The following CRYBG3 variants were observed in gnomAD, a reference collection of about 807,000 sequenced individuals.
CRYBG3 encodes crystallin beta-gamma domain containing 3.
A neutral mutation model predicts 244.2 loss-of-function variants in CRYBG3; 127 were observed. That is an observed-to-expected ratio of 0.52 (90% CI 0.45 to 0.60). The LOEUF (loss-of-function observed/expected upper bound fraction) is 0.60, where lower values mean the gene tolerates loss of function less well. Among genes scored for constraint, CRYBG3 ranks in the 20% least tolerant of loss-of-function variants. The pLI is 0.00. For synonymous variants in CRYBG3, 1,132 were observed against 1,195.8 expected (o/e 0.95, Z 1.10); for missense variants, 3,325 against 3,442.5 (o/e 0.97, Z 0.85).
chr3:97,898,349 G>GT (rs1378432586), intron 12 of CRYBG3, among the ~76,000 whole-genome samples: 1 of 151,888 alleles, frequency 6.6e-6, no homozygotes, highest in Non-Finnish European at 1.5e-5. Flanking sequence ...TCTTTTGCCG[G>GT]TTTATCTGTT....
In CRYBG3 at chr3:97,871,985, G is replaced by A. The variant is rs1305856191; in HGVS notation, c.791G>A (p.Ser264Asn). 1.5e-5 allele frequency: 23 copies of A among 1,535,858 alleles called. No homozygotes were observed. In the African/African-American group the frequency reaches 1.5e-4, roughly 10 times the overall value. Residue 264 changes from serine (S) to asparagine (N), a missense_variant, in exon 4 of 22, where the codon AGT (serine) becomes AAT (asparagine). Ser to Asn is a conservative substitution (Grantham distance 46, BLOSUM62 1). Transcript: ENST00000389622. ...LDRENESSDSSTNRHIDPGSE... is the reference protein window; with the variant it reads ...LDRENESSDSNTNRHIDPGSE... ...AGAGAAAATGAAAGTTCTGACTCTA[G>A]TACAAACAGACACATTGACCCTGGA...
At chr3:97,843,156 CTTT>C (rs2038846490) in intron 1 of CRYBG3, 36 bp from the exon 2 acceptor site, 2 of 1,356,924 alleles carry the variant, frequency 1.5e-6, no homozygotes, top group Non-Finnish European at 2.0e-6. Flanking sequence ...TCGTAATTTT[CTTT>C]TAATTTCAAA....
At chr3:97,925,703 G>C (rs2040033082) in intron 17 of CRYBG3, among the ~76,000 whole-genome samples, 1 of 151,946 alleles carries the variant, frequency 6.6e-6, no homozygotes, top group Admixed American at 6.6e-5. Flanking sequence ...TCACCTCTGG[G>C]GGTGGTGGGA....
rs2039381779 is a variant in CRYBG3, at chr3:97,876,924, G to A, written c.5730G>A (p.Glu1910=). The A allele has an allele frequency of 1.4e-6, 2 of 1,468,104 alleles. No homozygotes were observed. Among genetic ancestry groups the A allele is most frequent in the East Asian group, 2.4e-5 (1 of 42,306 alleles). The allele number at this position is 1,468,104 out of a possible 1,614,324, so 90.9% of individuals were successfully genotyped here. A position where few individuals can be genotyped will look rare whatever the true frequency, so the allele number is the denominator to read the frequency against. Residue 1910 remains glutamate, a synonymous_variant, in exon 4 of 22, where the codon GAG becomes GAA. Coordinates refer to ENST00000389622, the MANE Select transcript of CRYBG3 (RefSeq NM_153605.4). ...AEGSVEETKE[E]PTEIKEGLIA... ...GGAGTGTTGAAGAAACAAAGGAAGAGCCTACAGAAATAAAGGAAGGCTTGA... is the reference window on the plus strand; with the variant it reads ...GGAGTGTTGAAGAAACAAAGGAAGAACCTACAGAAATAAAGGAAGGCTTGA...
chr3:97,913,316 C>A (rs1236153763), intron 16 of CRYBG3, among the ~76,000 whole-genome samples: 2 of 152,150 alleles, frequency 1.3e-5, no homozygotes, highest in Non-Finnish European at 2.9e-5. Context: ...TCTCTTCTAA[C>A]ATTTGCTTTC....
rs1224990506 is a variant in CRYBG3, at chr3:97,874,088, G to T, written c.2894G>T (p.Cys965Phe). 24 of 1,535,786 alleles carry T rather than the reference G, an allele frequency of 1.6e-5. No individual in the cohort carries two copies. Among genetic ancestry groups the T allele is most frequent in the Non-Finnish European group, 2.0e-5 (23 of 1,146,794 alleles). ...GCGCAGAATTGTGAAGCTCACACTT[G>T]TGTGTTTCATCAATCTTTGGATATT... ...QMAQNCEAHT[C>F]VFHQSLDICG... Residue 965 changes from cysteine to phenylalanine, a missense_variant, in exon 4 of 22, where the codon TGT becomes TTT. By Grantham distance (205) the Cys-to-Phe change is radical. Transcript: ENST00000389622.
chr3:97,892,799 G>T, intron 10 of CRYBG3, 61 bp from the exon 11 acceptor site: 1 of 818,048 alleles, frequency 1.2e-6, no homozygotes, highest in Non-Finnish European at 1.8e-6. Context: ...TGTGGTCTTT[G>T]GTGTCACTTA....
intron 1 of CRYBG3, among the ~76,000 whole-genome samples, chr3:97,833,706 T>C (rs2038688814): frequency 6.6e-6 from 1 of 152,198 alleles, no homozygotes; most frequent in South Asian, 2.1e-4. Context: ...ATCCCAGAAC[T>C]TCAAAGTATA....
rs1410487592 is a variant in CRYBG3, at chr3:97,825,276, C to CCTTA, written c.149+2924_149+2925insACTT. ...AATATGAAACTTGGAGGAATTCCTG[C>CCTTA]CTTTATCTGCTTCAAGAAATGATTG... On this transcript the variant is annotated intron_variant, in intron 1 of 21. Coordinates refer to ENST00000389622, the MANE Select transcript of CRYBG3 (RefSeq NM_153605.4). 5.9e-5 allele frequency among the ~76,000 whole-genome samples: 9 copies of CCTTA among 152,228 alleles called. 1 individual carries two copies. The highest frequency in any genetic ancestry group is 2.2e-4 in the African/African-American group (9 of 41,542).
Position 97,872,633 on chromosome 3 carries a change from T to G in CRYBG3, c.1439T>G (p.Ile480Arg), listed in dbSNP as rs549194270. 24 of 1,535,928 alleles carry G rather than the reference T, an allele frequency of 1.6e-5. No homozygotes were observed. The East Asian group carries it at 4.9e-4, about 31-fold the overall frequency. The change falls in exon 4 of 22, where the codon ATA becomes AGA. Residue 480 changes from isoleucine (I) to arginine (R), a missense_variant. By Grantham distance (97) the Ile-to-Arg change is moderately conservative. Transcript: ENST00000389622. ...AGTGAGTGTTCTGACAAGCAAACCA[T>G]AGATAGCTCATCAAAGCAAGCTGCC... ...PESECSDKQT[I>R]DSSSKQAATH...
chr3:97,864,690 TGG>T (rs1322783153), intron 3 of CRYBG3, 43 bp downstream of exon 3: 3 of 1,370,696 alleles, frequency 2.2e-6, no homozygotes, highest in African/African-American at 2.9e-5. Flanking sequence ...TTGAGCTTTT[TGG>T]ACCTAGCTTT....
Position 97,874,214 on chromosome 3 carries a change from C to T in CRYBG3, c.3020C>T (p.Ser1007Leu). The part of the protein sequence containing the change: ...FQETGSMKVN[S>L]PFLDSDSSLE... ...GAAACTGGCAGCATGAAAGTAAATT[C>T]ACCTTTTCTGGATTCTGATTCCAGT... is the stretch of plus-strand genomic sequence containing the variant. Residue 1007 changes from serine to leucine, a missense_variant, in exon 4 of 22, where the codon TCA becomes TTA. Transcript: ENST00000389622. The T allele has an allele frequency of 6.5e-7, 1 of 1,534,148 alleles. No homozygotes were observed.
chr3:97,900,663 T>C (rs2039696691), intron 15 of CRYBG3, among the ~76,000 whole-genome samples, 178 bp downstream of exon 15: 2 of 152,214 alleles, frequency 1.3e-5, no homozygotes, highest in Non-Finnish European at 1.5e-5. Context: ...GTGGTTGTAT[T>C]AGACTGGGTT....
chr3:97,868,828 G>A lies in CRYBG3; in HGVS notation c.648-3014G>A, dbSNP rs1337885283. Among the ~76,000 whole-genome samples, 3 of 152,058 alleles carry A rather than the reference G, an allele frequency of 2.0e-5. No homozygotes were observed. In the South Asian group the frequency reaches 6.2e-4, roughly 31 times the overall value. On this transcript the variant is annotated intron_variant, in intron 3 of 21. Transcript: ENST00000389622. ...TTGAGGTTTGATTAAGAGAGAGTTG[G>A]CAGTAAGAGGACCTAAATTTACTAT... is the stretch of plus-strand genomic sequence containing the variant.
intron 3 of CRYBG3, among the ~76,000 whole-genome samples, chr3:97,865,069 T>C (rs1186200947): frequency 3.9e-5 from 6 of 152,186 alleles, no homozygotes; most frequent in Admixed American, 3.9e-4. Context: ...TTCATGAAAC[T>C]AGCTTTATGA....
chr3:97,876,790 GTGGTAGACAT>G lies in CRYBG3; in HGVS notation c.5599_5608del (p.Val1867ArgfsTer8). 1 of 1,291,004 alleles carries G rather than the reference GTGGTAGACAT, an allele frequency of 7.7e-7. No homozygotes were observed. Among genetic ancestry groups the G allele is most frequent in the Non-Finnish European group, 9.8e-7 (1 of 1,022,816 alleles). The allele number at this position is 1,291,004 out of a possible 1,614,324, so 80.0% of individuals were successfully genotyped here. ...TGGGAAACACAAAGTGTTACCCGCA[GTGGTAGACAT>G]TGAGAAAATACATGGAACAGGACTA... On this transcript the variant is annotated frameshift_variant, in exon 4 of 22. Transcript: ENST00000389622. LOFTEE classifies it high-confidence loss of function.
rs202242156 is a variant in CRYBG3, at chr3:97,933,455, T to C, written c.8242-239T>C. On this transcript the variant is annotated intron_variant, in intron 17 of 21. Transcript: ENST00000389622. ...ATGGGTCTCTTTATTATGGCTGTTT[T>C]TATTATGAGATTGATTGCTTTTCTG... The C allele has an allele frequency of 6.5e-4, 368 of 564,434 alleles. 4 individuals carry two copies. Among genetic ancestry groups the C allele is most frequent in the Middle Eastern group, 4.9e-3 (17 of 3,436 alleles). The allele number at this position is 564,434 out of a possible 1,614,324, so 35.0% of individuals were successfully genotyped here.
chr3:97,892,885 TC>T lies in CRYBG3; in HGVS notation c.7468del (p.His2490MetfsTer11). 1 of 1,533,952 alleles carries T rather than the reference TC, an allele frequency of 6.5e-7. No homozygotes were observed. The highest frequency in any genetic ancestry group is 8.9e-7 in the Non-Finnish European group (1 of 1,124,676). On this transcript the variant is annotated frameshift_variant, in exon 11 of 22. Coordinates refer to ENST00000389622, the MANE Select transcript of CRYBG3 (RefSeq NM_153605.4). LOFTEE classifies it high-confidence loss of function. Reference protein sequence around the residue: ...LKVIIYEKPHFHGQAKEFSEH... With the variant: ...LKVIIYEKPHXHGQAKEFSEH... Reference sequence around the variant, plus strand: ...GTTATTATTTATGAAAAACCTCACTTCCATGGACAGGCTAAAGAGTTTAGTG... The same window carrying T: ...GTTATTATTTATGAAAAACCTCACTTCATGGACAGGCTAAAGAGTTTAGTG...
chr3:97,930,495 A>C (rs2040085826), intron 17 of CRYBG3, among the ~76,000 whole-genome samples: 1 of 152,002 alleles, frequency 6.6e-6, no homozygotes, highest in Non-Finnish European at 1.5e-5. Flanking sequence ...TCAATAACTC[A>C]GTGATTAGAG....
Sources: allele counts gnomAD v4.1 joint callset (sites outside exome capture counted in the v4.1 genomes callset), GRCh38; gene constraint gnomAD v4.1.1; transcripts MANE v1.5; gene names NCBI Gene and HGNC (gene_info 2026-07-23, HGNC 2026-07-21).